Variants in TBC1D22A observed in about 807,000 individuals in gnomAD.
TBC1D22A encodes TBC1 domain family member 22A, also known as putative GTPase activator.
In TBC1D22A, 38 loss-of-function variants were observed where a neutral mutation model predicts 60.2. The observed-to-expected ratio is 0.63, with a 90% CI of 0.49 to 0.83. The LOEUF (loss-of-function observed/expected upper bound fraction) is 0.83. TBC1D22A is among the 40% of genes least tolerant of loss of function. The probability of loss-of-function intolerance (pLI) is 0.00; values close to 1 mark genes in which losing one functional copy is unlikely to be tolerated. For missense variants in TBC1D22A, 628 were observed against 701.0 expected, an observed-to-expected ratio of 0.90 and a Z score of 1.18; for synonymous variants, 302 against 281.7, an observed-to-expected ratio of 1.07 and a Z score of -0.72.
intron 10 of TBC1D22A, among the ~76,000 whole-genome samples, chr22:47,035,794 G>A (rs1171204301): frequency 5.3e-5 from 8 of 152,108 alleles, no homozygotes; most frequent in East Asian, 1.9e-4. Flanking sequence ...GGCAGCTCCC[G>A]GTCCCACGGC....
At chr22:46,835,948 G>GA (rs373592758) in intron 4 of TBC1D22A, among the ~76,000 whole-genome samples, 133 of 148,410 alleles carry the variant, frequency 9.0e-4, no homozygotes, top group African/African-American at 2.3e-3. Context: ...GTAATGCAAG[G>GA]AAAAAAAAAA....
intron 4 of TBC1D22A, among the ~76,000 whole-genome samples, chr22:46,876,042 C>T (rs1409222965): frequency 6.6e-6 from 1 of 152,126 alleles, no homozygotes; most frequent in Non-Finnish European, 1.5e-5. Context: ...GCAGGTCTTG[C>T]GATGGGCCCT....
rs1262458221 is a variant in TBC1D22A, at chr22:46,882,779, A to G, written c.708+4056A>G. On this transcript the variant is annotated intron_variant, in intron 5 of 12. Transcript: ENST00000337137. ...GTCCAGCTTAAAAAGGCAGATAACCAAAGAGGCAGATAACCAAAGCTGTGC... is the reference window on the plus strand; with the variant it reads ...GTCCAGCTTAAAAAGGCAGATAACCGAAGAGGCAGATAACCAAAGCTGTGC... Among the ~76,000 whole-genome samples, 8 of 151,894 alleles carry G rather than the reference A, an allele frequency of 5.3e-5. 1 individual carries two copies. The highest frequency in any genetic ancestry group is 1.7e-4 in the African/African-American group (7 of 41,154).
chr22:46,855,565 A>G lies in TBC1D22A; in HGVS notation c.638-23088A>G, dbSNP rs1376101420. Among the ~76,000 whole-genome samples, 8 of 152,194 alleles carry G rather than the reference A, an allele frequency of 5.3e-5. No homozygotes were observed. In the East Asian group the frequency reaches 1.5e-3, roughly 29 times the overall value. The stretch of plus-strand genomic sequence containing the variant: ...CTGTGGGGTGGAAGTGACCTTGTGC[A>G]GCCTGGGAGTCAAGGTGGGATCCAT... On this transcript the variant is annotated intron_variant, in intron 4 of 12. Coordinates refer to ENST00000337137, the MANE Select transcript of TBC1D22A (RefSeq NM_014346.5).
chr22:46,817,929 G>C (rs2085672510), intron 4 of TBC1D22A, among the ~76,000 whole-genome samples: 1 of 152,144 alleles, frequency 6.6e-6, no homozygotes, highest in Non-Finnish European at 1.5e-5. Context: ...GTTGTTTCCT[G>C]ACTTTTTAAT....
At chr22:47,012,858 C>G (rs1161863163) in intron 10 of TBC1D22A, among the ~76,000 whole-genome samples, 4 of 152,146 alleles carry the variant, frequency 2.6e-5, no homozygotes, top group Non-Finnish European at 4.4e-5. Flanking sequence ...AACAGTTGTT[C>G]CGAGAGCTCA....
In TBC1D22A at chr22:46,904,157, A is replaced by ATCTG. The variant is rs1340570367; in HGVS notation, c.901-7917_901-7916insTCTG. ...TATCTATCTATCTACCTACCTACCT[A>ATCTG]CCTACCTACCTACCTACCAGTCTGA... On this transcript the variant is annotated intron_variant, in intron 7 of 12. Coordinates refer to ENST00000337137, the MANE Select transcript of TBC1D22A (RefSeq NM_014346.5). Among the ~76,000 whole-genome samples, 405 of 145,198 alleles carry ATCTG rather than the reference A, an allele frequency of 2.8e-3. 4 individuals carry two copies. The highest frequency in any genetic ancestry group is 9.8e-3 in the African/African-American group (377 of 38,578).
At chr22:46,887,588 C>G (rs1476809410) in intron 5 of TBC1D22A, among the ~76,000 whole-genome samples, 1 of 152,166 alleles carries the variant, frequency 6.6e-6, no homozygotes, top group Non-Finnish European at 1.5e-5. Context: ...GAGGAAGGAA[C>G]TACTGTTACG....
intron 11 of TBC1D22A, among the ~76,000 whole-genome samples, chr22:47,070,006 G>T (rs1228184051): frequency 7.5e-6 from 1 of 132,670 alleles, no homozygotes; most frequent in Non-Finnish European, 1.6e-5. Context: ...CGGTCCCAGC[G>T]CTGTCCCCTG....
At chr22:47,158,697 C>T (rs1051874398) in intron 12 of TBC1D22A, among the ~76,000 whole-genome samples, 4 of 152,126 alleles carry the variant, frequency 2.6e-5, no homozygotes, top group South Asian at 2.1e-4. Context: ...CTGGTTTCTT[C>T]GGCCAGGTGG....
In TBC1D22A at chr22:46,793,732, G is replaced by A. The variant is rs765002489; in HGVS notation, c.351G>A (p.Gly117=). 5 of 1,608,270 alleles carry A rather than the reference G, an allele frequency of 3.1e-6. No homozygotes were observed. In the East Asian group the frequency reaches 1.1e-4, roughly 36 times the overall value. ...AGGGGCGGCCCACGCTGCAGGAGGG[G>A]CCAGGGCTTCAGCAGAAGCCCAGGC... ...QRQGRPTLQE[G]PGLQQKPRPE... is the part of the protein sequence containing the mutation. The change falls in exon 3 of 13, where the codon GGG becomes GGA. Residue 117 remains glycine, a synonymous_variant. Coordinates refer to ENST00000337137, the MANE Select transcript of TBC1D22A (RefSeq NM_014346.5).
At chr22:46,902,267 T>C (rs1216097493) in intron 7 of TBC1D22A, among the ~76,000 whole-genome samples, 1 of 152,270 alleles carries the variant, frequency 6.6e-6, no homozygotes, top group African/African-American at 2.4e-5. Context: ...TTTTTAAATT[T>C]CTTCAGCCCT....
intron 8 of TBC1D22A, among the ~76,000 whole-genome samples, chr22:46,934,010 G>A (rs916894330): frequency 5.5e-4 from 84 of 152,304 alleles, no homozygotes; most frequent in African/African-American, 2.0e-3. Context: ...TATTTGATAT[G>A]TGCCTTTTAA....
chr22:46,824,476 GGC>G (rs2085963220), intron 4 of TBC1D22A, among the ~76,000 whole-genome samples: 1 of 152,226 alleles, frequency 6.6e-6, no homozygotes, highest in African/African-American at 2.4e-5. Context: ...GGAGCTTGGA[GGC>G]GAGCGAGGAG....
rs1270029902 is a variant in TBC1D22A at position 46,882,813 on chromosome 22, G to A, written c.708+4090G>A. 2.6e-5 allele frequency among the ~76,000 whole-genome samples: 4 copies of A among 152,304 alleles called. No individual in the cohort carries two copies. The East Asian group carries it at 5.8e-4, about 22-fold the overall frequency. On this transcript the variant is annotated intron_variant, in intron 5 of 12. Transcript: ENST00000337137. ...GATAACCAAAGCTGTGCTTGAATGGGAACCTATTTCAGGGTCTGGCAAACA... is the reference window on the plus strand; with the variant it reads ...GATAACCAAAGCTGTGCTTGAATGGAAACCTATTTCAGGGTCTGGCAAACA...
chr22:47,151,220 T>C (rs1258600483), intron 12 of TBC1D22A, among the ~76,000 whole-genome samples: 2 of 152,204 alleles, frequency 1.3e-5, no homozygotes, highest in Non-Finnish European at 1.5e-5. Flanking sequence ...TTTTAAACGC[T>C]GCGTGGTGTG....
intron 7 of TBC1D22A, among the ~76,000 whole-genome samples, chr22:46,895,958 C>T (rs562806877): frequency 5.3e-5 from 8 of 152,310 alleles, no homozygotes; most frequent in South Asian, 4.1e-4. Context: ...GCTTCCCAGA[C>T]GGCCGCTACC....
chr22:46,986,967 C>G (rs1301699258), intron 9 of TBC1D22A, among the ~76,000 whole-genome samples: 3 of 152,182 alleles, frequency 2.0e-5, no homozygotes, highest in Non-Finnish European at 4.4e-5. Context: ...GCCTACGTGA[C>G]TCTAAGAGTA....
intron 8 of TBC1D22A, among the ~76,000 whole-genome samples, chr22:46,965,297 G>T (rs558811408): frequency 8.5e-5 from 13 of 152,232 alleles, no homozygotes; most frequent in African/African-American, 3.1e-4. Flanking sequence ...TGACCTGTGG[G>T]GGCGGGGTGC....
Sources: allele counts gnomAD v4.1 joint callset (sites outside exome capture counted in the v4.1 genomes callset), GRCh38; gene constraint gnomAD v4.1.1; transcripts MANE v1.5; gene names NCBI Gene and HGNC (gene_info 2026-07-23, HGNC 2026-07-21).